Variants in PYHIN1 observed in about 807,000 individuals in gnomAD.
PYHIN1 encodes pyrin and HIN domain-containing protein 1.
PYHIN1 carries 32 observed loss-of-function variants against 43.7 expected under a neutral mutation model. The observed-to-expected ratio is 0.73, with a 90% CI of 0.55 to 0.98. The LOEUF (loss-of-function observed/expected upper bound fraction) is 0.98. Ranked by LOEUF, PYHIN1 falls within the 50% of genes least tolerant of loss-of-function variation. The pLI is 0.00. For synonymous variants in PYHIN1, 205 were observed against 203.1 expected, an observed-to-expected ratio of 1.01 and a Z score of -0.08; for missense variants, 588 against 589.5, an observed-to-expected ratio of 1.00 and a Z score of 0.03.
chr1:158,941,948 T>C lies in PYHIN1; in HGVS notation c.580-29T>C, dbSNP rs778843878. The C allele has an allele frequency of 1.6e-5, 24 of 1,536,150 alleles. No homozygotes were observed. In the South Asian group the frequency reaches 2.9e-4, roughly 18 times the overall value. On this transcript the variant is annotated intron_variant, in intron 4 of 8. Coordinates refer to ENST00000368140, the MANE Select transcript of PYHIN1 (RefSeq NM_152501.5). ...CTGTATTCCTCACTCAAAAATTTCT[T>C]TTTTGTATTCCTTTTGTATCATGCG...
intron 7 of PYHIN1, among the ~76,000 whole-genome samples, chr1:158,959,089 A>G (rs976730219): frequency 2.0e-5 from 3 of 149,946 alleles, no homozygotes; most frequent in Non-Finnish European, 3.0e-5. Context: ...AGTTTTTTTC[A>G]CCTTCGTTTT....
At chr1:158,954,513 T>C (rs1341974971) in intron 7 of PYHIN1, among the ~76,000 whole-genome samples, 2 of 149,314 alleles carry the variant, frequency 1.3e-5, no homozygotes, top group Admixed American at 1.3e-4. Context: ...GCTTCATAAG[T>C]GAAGGAGAAA....
At chr1:158,939,374 C>A (rs2325704) in intron 4 of PYHIN1, 127 bp downstream of exon 4, 1,228,360 of 1,597,950 alleles carry the variant, frequency 0.77, 472,795 homozygotes, top group East Asian at 0.87. Flanking sequence ...ACTGAGAATT[C>A]ACTGCATTTT....
intron 7 of PYHIN1, chr1:158,945,524 A>T (rs1261608324): frequency 6.6e-6 from 1 of 152,436 alleles, no homozygotes. Context: ...TAAATTTCAG[A>T]CACCAACTTA....
In PYHIN1 at chr1:158,942,137, C is replaced by T. The variant is rs1005176233; in HGVS notation, c.740C>T (p.Thr247Ile). 8.7e-6 allele frequency: 14 copies of T among 1,613,916 alleles called. No individual in the cohort carries two copies. The highest frequency in any genetic ancestry group is 1.2e-5 in the Non-Finnish European group (14 of 1,179,988). ...TTTCATGCTACAGTGGCTACGCAGA[C>T]ACAGTTCTTTCATGTGAAGGTTTTA... ...RMFHATVATQ[T>I]QFFHVKVLNI... Residue 247 changes from threonine to isoleucine, a missense_variant, in exon 5 of 9, where the codon ACA (threonine) becomes ATA (isoleucine). Coordinates refer to ENST00000368140, the MANE Select transcript of PYHIN1 (RefSeq NM_152501.5).
Position 158,933,430 on chromosome 1 carries a change from C to T in PYHIN1, c.-21+1654C>T. Among the ~76,000 whole-genome samples the T allele has an allele frequency of 6.6e-6, 1 of 151,708 alleles. No homozygotes were observed. The highest frequency in any genetic ancestry group is 1.9e-4 in the East Asian group (1 of 5,196). Reference sequence around the variant, plus strand: ...TTACCATGTGGTATCTGATAATACTCTTTGTCTTAAGATCTTTTAAAAATG... The same window carrying T: ...TTACCATGTGGTATCTGATAATACTTTTTGTCTTAAGATCTTTTAAAAATG... On this transcript the variant is annotated intron_variant, in intron 1 of 8. Coordinates refer to ENST00000368140, the MANE Select transcript of PYHIN1 (RefSeq NM_152501.5). This position sits in a 1 kb window ranked among gnomAD's most constrained non-coding sequence, Gnocchi z 6.3.
chr1:158,978,151 T>C (rs1651358036), downstream of PYHIN1, among the ~76,000 whole-genome samples: 1 of 152,138 alleles, frequency 6.6e-6, no homozygotes, highest in African/African-American at 2.4e-5. Context: ...TTTCCGATTA[T>C]GTCTTTTATC....
chr1:158,974,270 A>G (rs1189259112), intron 8 of PYHIN1, among the ~76,000 whole-genome samples: 2 of 152,062 alleles, frequency 1.3e-5, no homozygotes, highest in African/African-American at 4.8e-5. Flanking sequence ...CCCCTTCCTC[A>G]GAAAAATACT....
At chr1:158,959,398 A>G (rs1650190079) in intron 7 of PYHIN1, among the ~76,000 whole-genome samples, 1 of 152,184 alleles carries the variant, frequency 6.6e-6, no homozygotes, top group African/African-American at 2.4e-5. Context: ...CGGACCCTTT[A>G]GAGAGCAATT....
At chr1:158,952,146 C>T (rs1446311880) in intron 7 of PYHIN1, among the ~76,000 whole-genome samples, 5 of 150,166 alleles carry the variant, frequency 3.3e-5, no homozygotes, top group African/African-American at 7.4e-5. Flanking sequence ...CGCTCCCTCC[C>T]GCTGCCTGTT....
intron 7 of PYHIN1, among the ~76,000 whole-genome samples, chr1:158,965,045 C>A (rs1281807556): frequency 6.6e-6 from 1 of 151,860 alleles, no homozygotes; most frequent in Non-Finnish European, 1.5e-5. Flanking sequence ...AAAGAAAAAT[C>A]TACCAAACAA....
intron 7 of PYHIN1, among the ~76,000 whole-genome samples, chr1:158,955,098 A>C (rs1295559644): frequency 6.6e-6 from 1 of 151,722 alleles, no homozygotes; most frequent in Non-Finnish European, 1.5e-5. Flanking sequence ...CCAGATTCGT[A>C]AAGGAAGTCC....
At chr1:158,957,440 A>G (rs1313233802) in intron 7 of PYHIN1, among the ~76,000 whole-genome samples, 7 of 151,852 alleles carry the variant, frequency 4.6e-5, no homozygotes, top group African/African-American at 1.7e-4. Context: ...GAGCCCGCAG[A>G]AATAATGCCG....
intron 7 of PYHIN1, among the ~76,000 whole-genome samples, chr1:158,972,132 A>G (rs1650966623): frequency 6.6e-6 from 1 of 151,898 alleles, no homozygotes; most frequent in African/African-American, 2.4e-5. Context: ...CAAACATATG[A>G]CTCCAATAAG....
At chr1:158,980,754 A>T (rs776984671), downstream of PYHIN1, among the ~76,000 whole-genome samples, 2 of 152,146 alleles carry the variant, frequency 1.3e-5, no homozygotes, top group Non-Finnish European at 2.9e-5. Context: ...GACGCTTATC[A>T]GTGGTTCTGC....
intron 8 of PYHIN1, among the ~76,000 whole-genome samples, chr1:158,976,243 A>G (rs947426744): frequency 6.6e-6 from 1 of 152,144 alleles, no homozygotes; most frequent in South Asian, 2.1e-4. Context: ...AGGCTAACAC[A>G]TTCAGACACA....
At chr1:158,956,156 C>G (rs1402859194) in intron 7 of PYHIN1, among the ~76,000 whole-genome samples, 1 of 143,124 alleles carries the variant, frequency 7.0e-6, no homozygotes, top group Non-Finnish European at 1.5e-5. Context: ...GGATTCACAG[C>G]TGAATTCTAC....
At chr1:158,980,609 C>A (rs772830402), downstream of PYHIN1, among the ~76,000 whole-genome samples, 1 of 152,084 alleles carries the variant, frequency 6.6e-6, no homozygotes, top group Non-Finnish European at 1.5e-5. Flanking sequence ...TGGTCTCCTG[C>A]AGAACCCTCA....
chr1:158,990,707 A>G, the PYHIN1 span, among the ~76,000 whole-genome samples: 1 of 151,954 alleles, frequency 6.6e-6, no homozygotes, highest in Admixed American at 6.6e-5. Context: ...GTTTACCACC[A>G]CTCTACTCTC....
Sources: gnomAD v4.1 joint callset for allele counts (sites outside exome capture counted in the v4.1 genomes callset) on GRCh38, gnomAD v4.1.1 for gene constraint, Gnocchi (gnomAD v3.1) non-coding constraint, MANE v1.5 for transcripts, NCBI Gene and HGNC (gene_info 2026-07-23, HGNC 2026-07-21) for gene names.